The following AFAP1 variants were observed in gnomAD, a reference collection of about 807,000 sequenced individuals.
The protein encoded by AFAP1 is actin filament associated protein 1, also known as actin filament-associated protein 1.
AFAP1 carries 75 observed loss-of-function variants against 93.9 expected under a neutral mutation model. The ratio of observed to expected loss-of-function variants is 0.80; its 90% CI spans 0.66 to 0.97. AFAP1 has a LOEUF of 0.97. Among genes scored for constraint, AFAP1 ranks in the 50% least tolerant of loss-of-function variants. The probability of loss-of-function intolerance (pLI) is 0.00; values close to 1 mark genes in which losing one functional copy is unlikely to be tolerated. For missense variants in AFAP1, 1,201 were observed against 1,050.8 expected, an observed-to-expected ratio of 1.14 and a Z score of -1.98; for synonymous variants, 517 against 430.7, an observed-to-expected ratio of 1.20 and a Z score of -2.48.
intron 7 of AFAP1, among the ~76,000 whole-genome samples, chr4:7,816,677 G>A (rs1438256953): frequency 6.6e-6 from 1 of 152,200 alleles, no homozygotes; most frequent in African/African-American, 2.4e-5. Flanking sequence ...GTATCTGAAT[G>A]AGGTAGAGTG....
intron 9 of AFAP1, among the ~76,000 whole-genome samples, chr4:7,803,542 C>T (rs1001362608): frequency 1.3e-5 from 2 of 151,880 alleles, no homozygotes; most frequent in African/African-American, 2.4e-5. Flanking sequence ...GACCCGGCCC[C>T]GATCCCCAAC....
intron 1 of AFAP1, among the ~76,000 whole-genome samples, chr4:7,928,233 C>G (rs570604870): frequency 6.6e-6 from 1 of 152,282 alleles, no homozygotes; most frequent in Admixed American, 6.5e-5. Context: ...CTCAATGAGG[C>G]CTGGGAGAAA....
chr4:7,793,795 A>G lies in AFAP1; in HGVS notation c.1298T>C (p.Ile433Thr). The change falls in exon 11 of 18, where the codon ATT becomes ACT. Residue 433 changes from isoleucine (I) to threonine (T), a missense_variant. Physicochemically the swap from Ile to Thr is moderately conservative, Grantham distance 89 (BLOSUM62 -1). Transcript: ENST00000420658. ...TCCCGTCTCTGCGAGTAAAATCCCA[A>G]TCCACCTGCCCATGTCTTCAGAAGA... The part of the protein sequence containing the change: ...ASSSEDMGRW[I>T]GILLAETGSS... 1 of 1,562,108 alleles carries G rather than the reference A, an allele frequency of 6.4e-7. No individual in the cohort carries two copies. The highest frequency in any genetic ancestry group is 8.8e-7 in the Non-Finnish European group (1 of 1,140,350).
At chr4:7,862,432 TG>T in intron 3 of AFAP1, 1 of 124,332 alleles carries the variant, frequency 8.0e-6, no homozygotes, top group East Asian at 2.0e-4. Flanking sequence ...GGCGGGAGAA[TG>T]GGAAGTTAGT....
intron 3 of AFAP1, 79 bp downstream of exon 3, chr4:7,868,543 T>A (rs1193247042): frequency 5.5e-6 from 7 of 1,266,398 alleles, no homozygotes; most frequent in Non-Finnish European, 7.7e-6. Flanking sequence ...ACACCGGGCT[T>A]CCATCACAGG....
intron 3 of AFAP1, among the ~76,000 whole-genome samples, chr4:7,862,684 A>G (rs1272870230): frequency 3.3e-5 from 5 of 152,206 alleles, no homozygotes; most frequent in African/African-American, 1.2e-4. Flanking sequence ...TTCTGGCCCT[A>G]AAATACCAGC....
chr4:7,824,373 C>G (rs985018537), intron 6 of AFAP1, among the ~76,000 whole-genome samples: 2 of 152,048 alleles, frequency 1.3e-5, no homozygotes, highest in Non-Finnish European at 2.9e-5. Flanking sequence ...AATATTGGCT[C>G]TTGTCTTCTG....
At chr4:7,913,945 C>T (rs959338151) in intron 1 of AFAP1, among the ~76,000 whole-genome samples, 3 of 152,160 alleles carry the variant, frequency 2.0e-5, no homozygotes, top group Non-Finnish European at 2.9e-5. Flanking sequence ...TGTTATAATA[C>T]ATGTAATGTA....
At chr4:7,896,358 T>C (rs1718765827) in intron 1 of AFAP1, among the ~76,000 whole-genome samples, 1 of 152,068 alleles carries the variant, frequency 6.6e-6, no homozygotes, top group East Asian at 1.9e-4. Flanking sequence ...AACACCGACA[T>C]GACGAACCTC....
intron 9 of AFAP1, among the ~76,000 whole-genome samples, chr4:7,809,042 A>C (rs116406388): frequency 6.9e-6 from 1 of 144,008 alleles, no homozygotes; most frequent in Non-Finnish European, 1.5e-5. Context: ...TGACGTGATA[A>C]GGAAGCTTAG....
At chr4:7,850,436 G>A (rs1258317109) in intron 4 of AFAP1, among the ~76,000 whole-genome samples, 1 of 152,186 alleles carries the variant, frequency 6.6e-6, no homozygotes, top group Non-Finnish European at 1.5e-5. Flanking sequence ...AGGAGGGAGA[G>A]GGAAGAGGGC....
intron 8 of AFAP1, 98 bp downstream of exon 8, chr4:7,815,920 C>A: frequency 9.3e-7 from 1 of 1,074,978 alleles, no homozygotes; most frequent in South Asian, 1.5e-5. Context: ...TCACCCAGGA[C>A]ATTTTTCGTA....
At position 7,792,232 on chromosome 4, in the gene AFAP1, G is replaced by C. The variant is rs990931001; in HGVS notation, c.1412+1449C>G. On this transcript the variant is annotated intron_variant, in intron 11 of 17. Coordinates refer to ENST00000420658, the MANE Select transcript of AFAP1 (RefSeq NM_001134647.2). The stretch of plus-strand genomic sequence containing the variant: ...CCAACTGCCATGGAGTCGGAAAGCA[G>C]ATCAATCGACTCACATTAAAATCCA... Among the ~76,000 whole-genome samples, 7 of 152,326 alleles carry C rather than the reference G, an allele frequency of 4.6e-5. No individual in the cohort carries two copies. The East Asian group carries it at 1.3e-3, about 29-fold the overall frequency.
intron 16 of AFAP1, among the ~76,000 whole-genome samples, chr4:7,770,835 G>A (rs867943114): frequency 8.5e-5 from 13 of 152,192 alleles, no homozygotes; most frequent in African/African-American, 1.9e-4. Flanking sequence ...GACAAGCAGC[G>A]TGGGGGACTG....
chr4:7,763,907 T>G, intron 17 of AFAP1, 116 bp from the exon 18 acceptor site: 1 of 950,492 alleles, frequency 1.1e-6, no homozygotes, highest in South Asian at 1.4e-5. Flanking sequence ...TGCAGAAAAC[T>G]CAACAGAATC....
At chr4:7,841,446 C>G (rs1713005223) in intron 5 of AFAP1, among the ~76,000 whole-genome samples, 1 of 152,230 alleles carries the variant, frequency 6.6e-6, no homozygotes, top group South Asian at 2.1e-4. Context: ...AATCTAGGTA[C>G]ATCACAGTAC....
intron 9 of AFAP1, among the ~76,000 whole-genome samples, chr4:7,806,335 C>T (rs1284090512): frequency 1.3e-5 from 2 of 152,228 alleles, no homozygotes; most frequent in Admixed American, 6.5e-5. Context: ...AGCCGGCAAG[C>T]ACCTGCAGAG....
intron 16 of AFAP1, among the ~76,000 whole-genome samples, chr4:7,771,332 A>G: frequency 6.6e-6 from 1 of 152,232 alleles, no homozygotes; most frequent in Non-Finnish European, 1.5e-5. Context: ...GGAACACAGC[A>G]TATGCATATG....
chr4:7,887,617 C>A lies in AFAP1; in HGVS notation c.-2-15537G>T, dbSNP rs144534473. On this transcript the variant is annotated intron_variant, in intron 1 of 17. Transcript: ENST00000420658. ...AATGAGCATTTATGAGGCTTTAAAT[C>A]ATTTTTATATTACTATTTTAAGGAT... is the stretch of plus-strand genomic sequence containing the variant. 6.8e-3 allele frequency among the ~76,000 whole-genome samples: 1,030 copies of A among 152,206 alleles called. 17 individuals carry two copies. The highest frequency in any genetic ancestry group is 0.024 in the African/African-American group (984 of 41,512).
Sources: allele counts gnomAD v4.1 joint callset (sites outside exome capture counted in the v4.1 genomes callset), GRCh38; gene constraint gnomAD v4.1.1; transcripts MANE v1.5; gene names NCBI Gene and HGNC (gene_info 2026-07-23, HGNC 2026-07-21).